The following APMAP variants were observed in gnomAD, a reference collection of about 807,000 sequenced individuals.
APMAP encodes the protein adipocyte plasma membrane associated protein, also known as adipocyte plasma membrane-associated protein.
APMAP carries 33 observed loss-of-function variants against 43.6 expected under a neutral mutation model. The observed-to-expected ratio is 0.76, with a 90% CI of 0.57 to 1.01. The LOEUF (loss-of-function observed/expected upper bound fraction) is 1.01, where lower values mean the gene tolerates loss of function less well. APMAP is among the 50% of genes least tolerant of loss of function. APMAP has a pLI of 0.00. For missense variants in APMAP, 498 were observed against 540.7 expected, an observed-to-expected ratio of 0.92 and a Z score of 0.78; for synonymous variants, 224 against 216.7, an observed-to-expected ratio of 1.03 and a Z score of -0.30.
chr20:24,978,622 G>T (rs1009264889), intron 3 of APMAP, 145 bp downstream of exon 3: 5 of 642,748 alleles, frequency 7.8e-6, no homozygotes, highest in Non-Finnish European at 1.4e-5. Flanking sequence ...GATGTCTGAG[G>T]GCCAAGTCCC....
intron 8 of APMAP, chr20:24,964,275 G>A (rs1055756392): frequency 7.6e-6 from 5 of 654,884 alleles, no homozygotes; most frequent in East Asian, 3.2e-5. Context: ...GGACAGCAAC[G>A]CAAGCACATC....
intron 3 of APMAP, chr20:24,974,381 T>C (rs1287512872): frequency 6.6e-6 from 1 of 152,084 alleles, no homozygotes; most frequent in Non-Finnish European, 1.5e-5. Context: ...TCATATAAAA[T>C]ACTCAGTTTA....
intron 1 of APMAP, among the ~76,000 whole-genome samples, chr20:24,984,307 A>G (rs1381809958): frequency 6.6e-6 from 1 of 152,210 alleles, no homozygotes; most frequent in East Asian, 1.9e-4. Flanking sequence ...AAAGAAGGCA[A>G]ACTCAAAGAA....
intron 8 of APMAP, among the ~76,000 whole-genome samples, chr20:24,964,968 G>A (rs942809096): frequency 6.6e-6 from 1 of 152,064 alleles, no homozygotes; most frequent in Non-Finnish European, 1.5e-5. Flanking sequence ...CCTGCTGTTC[G>A]GCCGTGGATC....
At chr20:24,978,738 G>A in intron 3 of APMAP, 29 bp downstream of exon 3, 2 of 1,309,734 alleles carry the variant, frequency 1.5e-6, no homozygotes, top group Non-Finnish European at 2.1e-6. Flanking sequence ...AGCCTGGAAG[G>A]CTCCCCCCCC....
intron 3 of APMAP, among the ~76,000 whole-genome samples, chr20:24,977,033 G>A (rs1409262723): frequency 6.6e-6 from 1 of 152,222 alleles, no homozygotes; most frequent in African/African-American, 2.4e-5. Context: ...AAAAGAAAAG[G>A]GTGGAATGAA....
At position 24,962,995 on chromosome 20, in the gene APMAP, T is replaced by C. The variant is rs1488126832; in HGVS notation, c.*818A>G. 1 of 152,236 alleles carries C rather than the reference T, an allele frequency of 6.6e-6. No individual in the cohort carries two copies. The highest frequency in any genetic ancestry group is 1.5e-5 in the Non-Finnish European group (1 of 68,040). The allele number at this position is 152,236 out of a possible 1,614,324, so 9.4% of individuals were successfully genotyped here. On this transcript the variant is annotated 3_prime_UTR_variant, in exon 9 of 9. Transcript: ENST00000217456. ...ATCATGACCAGTGTGTAGACATACTTGTGAAAATATACAGCAACTTGGGGC... is the reference window on the plus strand; with the variant it reads ...ATCATGACCAGTGTGTAGACATACTCGTGAAAATATACAGCAACTTGGGGC...
intron 2 of APMAP, among the ~76,000 whole-genome samples, chr20:24,981,804 T>A (rs1279157770): frequency 6.6e-6 from 1 of 152,256 alleles, no homozygotes; most frequent in Non-Finnish European, 1.5e-5. Flanking sequence ...TGATATTTTT[T>A]CAGTGACTAG....
intron 8 of APMAP, among the ~76,000 whole-genome samples, chr20:24,965,694 C>T (rs1296122485): frequency 6.6e-6 from 1 of 152,246 alleles, no homozygotes; most frequent in Non-Finnish European, 1.5e-5. Context: ...GCCTCCAGCA[C>T]ATGGTCAGGG....
rs763996970 is a variant in APMAP at position 24,992,621 on chromosome 20, C to T, written c.68G>A (p.Gly23Asp). The change falls in exon 1 of 9, where the codon GGC (glycine) becomes GAC (aspartate). Residue 23 changes from glycine to aspartate, a missense_variant. By Grantham distance (94) the Gly-to-Asp change is moderately conservative. Coordinates refer to ENST00000217456, the MANE Select transcript of APMAP (RefSeq NM_020531.3). Reference sequence around the variant, plus strand: ...GCCGTCCTTAGCCTCCGGGGCCTGGCCATCATCGTCTGTGACGACCTGCGG... The same window carrying T: ...GCCGTCCTTAGCCTCCGGGGCCTGGTCATCATCGTCTGTGACGACCTGCGG... ...LRPQVVTDDDGQAPEAKDGSS... is the reference protein window; with the variant it reads ...LRPQVVTDDDDQAPEAKDGSS... 6 of 1,570,576 alleles carry T rather than the reference C, an allele frequency of 3.8e-6. No individual in the cohort carries two copies. Among genetic ancestry groups the T allele is most frequent in the African/African-American group, 1.4e-5 (1 of 73,204 alleles).
intron 2 of APMAP, among the ~76,000 whole-genome samples, chr20:24,982,731 T>C (rs2088115270): frequency 6.6e-6 from 1 of 152,060 alleles, no homozygotes; most frequent in African/African-American, 2.4e-5. Context: ...CTGGACTATC[T>C]AAGAAGGCCC....
Position 24,969,670 on chromosome 20 carries a change from AC to A in APMAP, c.714-11del. The A allele has an allele frequency of 6.2e-7, 1 of 1,607,004 alleles. No homozygotes were observed. The highest frequency in any genetic ancestry group is 1.3e-5 in the African/African-American group (1 of 74,946). Reference sequence around the variant, plus strand: ...ATCATACTCCAGCAGGCTGTGGAACACCAAAAGCAGAGGGTTATGGGGGAGA... The same window carrying A: ...ATCATACTCCAGCAGGCTGTGGAACACAAAAGCAGAGGGTTATGGGGGAGA... On this transcript the variant is annotated splice_polypyrimidine_tract_variant and intron_variant, in intron 6 of 8. Coordinates refer to ENST00000217456, the MANE Select transcript of APMAP (RefSeq NM_020531.3).
intron 3 of APMAP, among the ~76,000 whole-genome samples, chr20:24,976,486 G>A (rs934560762): frequency 8.6e-5 from 13 of 151,958 alleles, no homozygotes; most frequent in African/African-American, 1.2e-4. Context: ...TTAAAACAAC[G>A]AGACACCACT....
At chr20:24,964,348 C>A (rs1410668185) in intron 8 of APMAP, 3 of 529,620 alleles carry the variant, frequency 5.7e-6, no homozygotes, top group Non-Finnish European at 1.1e-5. Flanking sequence ...AGCACTGCAG[C>A]CAAGGCTCAG....
At chr20:24,978,611 T>A (rs1279940582) in intron 3 of APMAP, among the ~76,000 whole-genome samples, 156 bp downstream of exon 3, 1 of 152,158 alleles carries the variant, frequency 6.6e-6, no homozygotes, top group Non-Finnish European at 1.5e-5. Context: ...GCCTCCCATG[T>A]GATGTCTGAG....
At position 24,978,926 on chromosome 20, in the gene APMAP, T is replaced by C. The variant is rs746696923; in HGVS notation, c.213-44A>G. 14 of 1,500,790 alleles carry C rather than the reference T, an allele frequency of 9.3e-6. 1 individual carries two copies. Among genetic ancestry groups the C allele is most frequent in the African/African-American group, 8.3e-5 (6 of 72,458 alleles). 93.0% of individuals were successfully genotyped at this position (1,500,790 alleles called of 1,614,324 possible). On this transcript the variant is annotated intron_variant, in intron 2 of 8. Transcript: ENST00000217456. ...CCAGAGATCTGTCTATAAATACACA[T>C]GTGAAGAAAATGTGTACCGAGCACC... is the stretch of plus-strand genomic sequence containing the variant.
At chr20:24,973,815 G>T in intron 3 of APMAP, 78 bp from the exon 4 acceptor site, 1 of 1,309,032 alleles carries the variant, frequency 7.6e-7, no homozygotes, top group Non-Finnish European at 1.1e-6. Flanking sequence ...CTACAAGAGG[G>T]CTTGTTTACA....
At position 24,992,717 on chromosome 20, in the gene APMAP, AC is replaced by A; in HGVS notation, c.-30del. On this transcript the variant is annotated 5_prime_UTR_variant, in exon 1 of 9. Transcript: ENST00000217456. ...ACGGGCGCCAGCCTCACCCGCAGAA[AC>A]CACCTCACACTGAGCGGCGCCGGCT... is the stretch of plus-strand genomic sequence containing the variant. 6.9e-7 allele frequency: 1 copy of A among 1,455,476 alleles called. No homozygotes were observed. 90.2% of individuals were successfully genotyped at this position (1,455,476 alleles called of 1,614,324 possible). A position where few individuals can be genotyped will look rare whatever the true frequency, so the allele number is the denominator to read the frequency against.
At position 24,988,970 on chromosome 20, in the gene APMAP, A is replaced by T. The variant is rs147539431; in HGVS notation, c.95+3624T>A. ...TAAATGAGGTAAGCACAGCTCCTGG[A>T]CCCCTGCTCTGGGTGCCACACTTAT... On this transcript the variant is annotated intron_variant, in intron 1 of 8. Transcript: ENST00000217456. Among the ~76,000 whole-genome samples, 8 of 152,092 alleles carry T rather than the reference A, an allele frequency of 5.3e-5. No individual in the cohort carries two copies. In the East Asian group the frequency reaches 1.5e-3, roughly 29 times the overall value.
Sources: allele counts gnomAD v4.1 joint callset (sites outside exome capture counted in the v4.1 genomes callset), GRCh38; gene constraint gnomAD v4.1.1; transcripts MANE v1.5; gene names NCBI Gene and HGNC (gene_info 2026-07-23, HGNC 2026-07-21).